GPBP1L1: variants seen among roughly 807,000 people sequenced by gnomAD.
GPBP1L1 encodes the protein vasculin-like protein 1.
In GPBP1L1, 23 loss-of-function variants were observed where a neutral mutation model predicts 52.5. The ratio of observed to expected loss-of-function variants is 0.44; its 90% confidence interval spans 0.32 to 0.62. The LOEUF (loss-of-function observed/expected upper bound fraction) is 0.62, where lower values mean the gene tolerates loss of function less well. Among genes scored for constraint, GPBP1L1 ranks in the 20% least tolerant of loss-of-function variants. GPBP1L1 has a pLI of 0.06. For synonymous variants in GPBP1L1, 243 were observed against 203.1 expected (o/e 1.20, Z -1.67); for missense variants, 596 against 579.3 (o/e 1.03, Z -0.30).
intron 7 of GPBP1L1, among the ~76,000 whole-genome samples, chr1:45,641,459 TAAACAC>T (rs1644671836): frequency 6.8e-6 from 1 of 147,158 alleles, no homozygotes; most frequent in African/African-American, 2.6e-5. Flanking sequence ...CACATACACA[TAAACAC>T]ACACACACAC....
intron 6 of GPBP1L1, among the ~76,000 whole-genome samples, chr1:45,653,692 T>A (rs1644847673): frequency 7.5e-6 from 1 of 133,172 alleles, no homozygotes; most frequent in African/African-American, 2.8e-5. Flanking sequence ...AAAATGATAA[T>A]CTTTTTTTTC....
rs1207503212 is a variant in GPBP1L1 at position 45,686,439 on chromosome 1, A to C, written c.-1170T>G. On this transcript the variant is annotated 5_prime_UTR_variant, in exon 1 of 13. Transcript: ENST00000355105. ...GGCAGCGGCGGAGCTATGGCCAGGG[A>C]CTAGACGCTGCGTCTGAGGACGCGT... 6.6e-6 allele frequency: 1 copy of C among 152,400 alleles called. No individual in the cohort carries two copies. Among genetic ancestry groups the C allele is most frequent in the Non-Finnish European group, 1.5e-5 (1 of 68,162 alleles). The allele number at this position is 152,400 out of a possible 1,614,324, so 9.4% of individuals were successfully genotyped here.
chr1:45,653,571 G>A (rs1449878838), intron 6 of GPBP1L1, among the ~76,000 whole-genome samples: 1 of 151,936 alleles, frequency 6.6e-6, no homozygotes, highest in Admixed American at 6.6e-5. Flanking sequence ...TGCTGCCCAG[G>A]CTGGTCTCAA....
upstream of GPBP1L1, chr1:45,686,670 C>G (rs1645292500): frequency 6.6e-6 from 1 of 152,258 alleles, no homozygotes; most frequent in Non-Finnish European, 1.5e-5. Flanking sequence ...ACTGCTCCGG[C>G]GACCCTCCCG....
rs900292729 is a variant in GPBP1L1, at chr1:45,678,729, C to T, written c.-1098+6847G>A. On this transcript the variant is annotated intron_variant, in intron 2 of 12. Coordinates refer to ENST00000355105, the MANE Select transcript of GPBP1L1 (RefSeq NM_021639.5). ...AAGATATAGATAAAGTAAACATTTGCAACAAGGTCCTGAATCAGATAATGG... is the reference window on the plus strand; with the variant it reads ...AAGATATAGATAAAGTAAACATTTGTAACAAGGTCCTGAATCAGATAATGG... 3.3e-5 allele frequency among the ~76,000 whole-genome samples: 5 copies of T among 152,106 alleles called. No homozygotes were observed. The South Asian group carries it at 6.2e-4, about 19-fold the overall frequency.
Position 45,638,987 on chromosome 1 carries a change from T to C in GPBP1L1, c.744+1223A>G, listed in dbSNP as rs555453259. ...CACACTATGACCCATGGGCCAAATC[T>C]TGACCAAGGCATTTCTGTATGATTC... On this transcript the variant is annotated intron_variant, in intron 8 of 12. Transcript: ENST00000355105. 2.0e-5 allele frequency among the ~76,000 whole-genome samples: 3 copies of C among 152,308 alleles called. No homozygotes were observed. The South Asian group carries it at 6.2e-4, about 32-fold the overall frequency.
Position 45,661,018 on chromosome 1 carries a change from T to C in GPBP1L1, c.-890A>G, listed in dbSNP as rs967861122. 1.4e-4 allele frequency: 21 copies of C among 152,300 alleles called. No individual in the cohort carries two copies. The highest frequency in any genetic ancestry group is 3.9e-4 in the East Asian group (2 of 5,192). 9.4% of individuals were successfully genotyped at this position (152,300 alleles called of 1,614,324 possible). A position where few individuals can be genotyped will look rare whatever the true frequency, so the allele number is the denominator to read the frequency against. On this transcript the variant is annotated 5_prime_UTR_variant, in exon 3 of 13. Transcript: ENST00000355105. Reference sequence around the variant, plus strand: ...GATGGGTAGGATGGATATTAAGAAATAGTCAAGGAGAAATATAGGTCCAAA... The same window carrying C: ...GATGGGTAGGATGGATATTAAGAAACAGTCAAGGAGAAATATAGGTCCAAA...
At chr1:45,630,348 T>A in intron 11 of GPBP1L1, 134 bp downstream of exon 11, 4 of 1,021,354 alleles carry the variant, frequency 3.9e-6, no homozygotes, top group Non-Finnish European at 5.7e-6. Flanking sequence ...ACCTGGGGCA[T>A]ACACAGAGAA....
At chr1:45,646,117 T>C (rs549052104) in intron 6 of GPBP1L1, 1 of 426,020 alleles carries the variant, frequency 2.3e-6, no homozygotes, top group Admixed American at 2.8e-5. Context: ...GAGCATGGCC[T>C]AGTAAGAACC....
intron 2 of GPBP1L1, among the ~76,000 whole-genome samples, chr1:45,669,724 ATG>A (rs1278280659): frequency 6.6e-6 from 1 of 152,320 alleles, no homozygotes; most frequent in East Asian, 1.9e-4. Flanking sequence ...TAGAAAAAGA[ATG>A]TAGTTCTCAG....
intron 2 of GPBP1L1, among the ~76,000 whole-genome samples, chr1:45,670,966 G>A (rs895859709): frequency 3.3e-5 from 5 of 151,058 alleles, no homozygotes; most frequent in Admixed American, 2.6e-4. Context: ...CTAATTTTTT[G>A]TATTTTCACT....
chr1:45,640,148 T>G, intron 8 of GPBP1L1, 62 bp downstream of exon 8: 2 of 1,349,286 alleles, frequency 1.5e-6, no homozygotes, highest in Non-Finnish European at 2.1e-6. Context: ...TTTATTAATT[T>G]TTTCCTGATT....
At chr1:45,642,309 C>T in intron 7 of GPBP1L1, 118 bp downstream of exon 7, 2 of 733,962 alleles carry the variant, frequency 2.7e-6, no homozygotes, top group Non-Finnish European at 4.8e-6. Flanking sequence ...TGTTAGTTAC[C>T]ATGGGCAAAT....
intron 8 of GPBP1L1, among the ~76,000 whole-genome samples, chr1:45,637,541 T>TTTTTTTTTTTTTTTTTTTTTTTTTG (rs1557696882): frequency 4.0e-5 from 6 of 149,438 alleles, no homozygotes; most frequent in South Asian, 2.1e-4. Flanking sequence ...GCCTTTATAT[T>TTTTTTTTTTTTTTTTTTTTTTTTTG]AGTTTTCCAA....
chr1:45,660,561 C>T lies in GPBP1L1; in HGVS notation c.-433G>A, dbSNP rs376898550. ...TTAGGTAAGACATGGATATTTGCAC[C>T]GAGTGCAAATACTGTTCATAACAAG... On this transcript the variant is annotated 5_prime_UTR_variant, in exon 3 of 13. Transcript: ENST00000355105. The T allele has an allele frequency of 3.0e-6, 3 of 984,364 alleles. No homozygotes were observed. The highest frequency in any genetic ancestry group is 4.7e-5 in the South Asian group (1 of 21,260). 61.0% of individuals were successfully genotyped at this position (984,364 alleles called of 1,614,324 possible).
intron 7 of GPBP1L1, chr1:45,641,630 A>G (rs1644675220): frequency 6.6e-6 from 1 of 152,084 alleles, no homozygotes; most frequent in African/African-American, 2.4e-5. Flanking sequence ...CATCGTGGCC[A>G]ACATGGTGAA....
intron 6 of GPBP1L1, 196 bp downstream of exon 6, chr1:45,654,347 G>A (rs1442679076): frequency 4.4e-6 from 2 of 453,724 alleles, no homozygotes; most frequent in Non-Finnish European, 7.7e-6. Flanking sequence ...TGAAAAATTT[G>A]CTACAAGTTA....
chr1:45,633,426 G>A, intron 10 of GPBP1L1, 63 bp downstream of exon 10: 1 of 1,540,016 alleles, frequency 6.5e-7, no homozygotes, highest in Non-Finnish European at 8.9e-7. Context: ...TTAAGAAGAA[G>A]AAATCACGTA....
At chr1:45,640,901 C>G (rs960883397) in intron 7 of GPBP1L1, among the ~76,000 whole-genome samples, 9 of 152,044 alleles carry the variant, frequency 5.9e-5, no homozygotes, top group African/African-American at 2.2e-4. Flanking sequence ...ACCTGTGGTC[C>G]CAGCTACTTA....
Sources: gnomAD v4.1 joint callset for allele counts (sites outside exome capture counted in the v4.1 genomes callset) on GRCh38, gnomAD v4.1.1 for gene constraint, MANE v1.5 for transcripts, NCBI Gene and HGNC (gene_info 2026-07-23, HGNC 2026-07-21) for gene names.